The following ANK3 variants were observed in gnomAD, a reference collection of about 807,000 sequenced individuals.
The protein encoded by ANK3 is ankyrin 3.
A neutral mutation model predicts 370.9 loss-of-function variants in ANK3; 57 were observed. The ratio of observed to expected loss-of-function variants is 0.15; its 90% CI spans 0.12 to 0.19. The LOEUF (loss-of-function observed/expected upper bound fraction) is 0.19. ANK3 is among the 10% of genes least tolerant of loss of function. The pLI is 1.00. For missense variants in ANK3, 4,439 were observed against 5,302.1 expected (o/e 0.84, Z 5.06); for synonymous variants, 1,929 against 1,946.3 (o/e 0.99, Z 0.23).
chr10:60,393,244 A>C (rs1323486521), upstream of ANK3, among the ~76,000 whole-genome samples: 1 of 152,316 alleles, frequency 6.6e-6, no homozygotes, highest in African/African-American at 2.4e-5. Context: ...GCCCTCCTCC[A>C]GAAGGCAGCT....
chr10:60,087,777 T>C (rs1314419467), intron 29 of ANK3, among the ~76,000 whole-genome samples: 2 of 152,222 alleles, frequency 1.3e-5, no homozygotes, highest in Non-Finnish European at 2.9e-5. Flanking sequence ...TATGATTTAC[T>C]TCAATCAAAT....
chr10:60,278,683 A>T, intron 4 of ANK3, 91 bp downstream of exon 4: 1 of 993,850 alleles, frequency 1.0e-6, no homozygotes, highest in Non-Finnish European at 1.6e-6. Flanking sequence ...TTCTGTTCTT[A>T]GAGGATATGT....
chr10:60,036,672 G>A (rs1200727040), intron 43 of ANK3, among the ~76,000 whole-genome samples: 3 of 152,012 alleles, frequency 2.0e-5, no homozygotes, highest in East Asian at 1.9e-4. Context: ...TCCTGACTTC[G>A]TGATCTGCCT....
intron 2 of ANK3, among the ~76,000 whole-genome samples, chr10:60,444,358 C>A (rs1445536397): frequency 6.7e-6 from 1 of 148,882 alleles, no homozygotes; most frequent in Non-Finnish European, 1.5e-5. Context: ...TGAAAAAAAA[C>A]CATATATATA....
chr10:60,217,346 T>C lies in ANK3; in HGVS notation c.898-3836A>G, dbSNP rs144908559. Among the ~76,000 whole-genome samples the C allele has an allele frequency of 1.4e-3, 213 of 152,228 alleles. 1 individual carries two copies. The highest frequency in any genetic ancestry group is 4.8e-3 in the African/African-American group (199 of 41,538). ...GTCTCTCTAGCTCTTTTAATTGTGA[T>C]ATTAGGGTGTCGATCTGAGATCTTT... On this transcript the variant is annotated intron_variant, in intron 8 of 43. Coordinates refer to ENST00000280772, the MANE Select transcript of ANK3 (RefSeq NM_020987.5).
intron 1 of ANK3, chr10:60,684,528 G>T: frequency 1.3e-6 from 2 of 1,551,840 alleles, no homozygotes; most frequent in South Asian, 2.3e-5. Flanking sequence ...TATCAGACCA[G>T]ACTTCTATCC....
chr10:60,705,328 GATA>G (rs992432413), intron 1 of ANK3, among the ~76,000 whole-genome samples: 35 of 137,760 alleles, frequency 2.5e-4, no homozygotes, highest in African/African-American at 7.9e-4. Flanking sequence ...AGGTGATGAT[GATA>G]ATAATAACAA....
intron 1 of ANK3, among the ~76,000 whole-genome samples, chr10:60,629,583 AC>A (rs1291734537): frequency 2.0e-5 from 3 of 152,094 alleles, no homozygotes; most frequent in African/African-American, 7.2e-5. Flanking sequence ...ACTAATGAAA[AC>A]CCATAGCAAC....
At chr10:60,031,640 CA>C (rs1433240766) in intron 43 of ANK3, among the ~76,000 whole-genome samples, 1 of 152,170 alleles carries the variant, frequency 6.6e-6, no homozygotes, top group Non-Finnish European at 1.5e-5. Flanking sequence ...AGATCTAGGA[CA>C]ACCTTTAGAA....
At chr10:60,297,806 T>C (rs780593433) in intron 1 of ANK3, among the ~76,000 whole-genome samples, 12 of 152,128 alleles carry the variant, frequency 7.9e-5, no homozygotes, top group Non-Finnish European at 1.8e-4. Context: ...ATTTACTACA[T>C]AACTAAAAGT....
intron 1 of ANK3, among the ~76,000 whole-genome samples, chr10:60,301,289 T>C (rs10761474): frequency 0.12 from 18,118 of 148,150 alleles, 1,424 homozygotes; most frequent in Admixed American, 0.22. Context: ...CGCACACATA[T>C]ACACACACAT....
intron 1 of ANK3, among the ~76,000 whole-genome samples, chr10:60,714,059 A>G (rs976373349): frequency 5.9e-5 from 9 of 152,228 alleles, no homozygotes; most frequent in Non-Finnish European, 1.3e-4. Flanking sequence ...AAGAGGGGCC[A>G]CCATTATTGA....
chr10:60,385,513 A>T (rs1243665547), intron 1 of ANK3, among the ~76,000 whole-genome samples: 3 of 152,052 alleles, frequency 2.0e-5, no homozygotes, highest in Non-Finnish European at 4.4e-5. Context: ...TGTCTCCAAC[A>T]TTTGATGCAA....
At position 60,128,074 on chromosome 10, in the gene ANK3, T is replaced by C. The variant is rs960501364; in HGVS notation, c.2841+6197A>G. 2.6e-5 allele frequency among the ~76,000 whole-genome samples: 4 copies of C among 152,190 alleles called. No individual in the cohort carries two copies. The East Asian group carries it at 5.8e-4, about 22-fold the overall frequency. Reference sequence around the variant, plus strand: ...CACATTGAATAAATAAAAGACTTTATTAGGATTAGAAATAAACGTTAACAA... The same window carrying C: ...CACATTGAATAAATAAAAGACTTTACTAGGATTAGAAATAAACGTTAACAA... On this transcript the variant is annotated intron_variant, in intron 25 of 43. Transcript: ENST00000280772.
intron 2 of ANK3, among the ~76,000 whole-genome samples, chr10:60,426,693 C>T (rs746073986): frequency 6.6e-6 from 1 of 152,094 alleles, no homozygotes; most frequent in Non-Finnish European, 1.5e-5. Flanking sequence ...ATTATTATTT[C>T]AGCTGAAAGG....
chr10:60,123,154 A>G (rs1230271569), intron 25 of ANK3, among the ~76,000 whole-genome samples: 1 of 152,232 alleles, frequency 6.6e-6, no homozygotes, highest in Non-Finnish European at 1.5e-5. Flanking sequence ...TGGCTTTAAT[A>G]GAACACTATG....
At chr10:60,141,513 C>T (rs1435774130) in intron 23 of ANK3, among the ~76,000 whole-genome samples, 3 of 149,460 alleles carry the variant, frequency 2.0e-5, no homozygotes, top group African/African-American at 5.0e-5. Flanking sequence ...ACTAGCAGGA[C>T]TTCCCCATCT....
intron 2 of ANK3, among the ~76,000 whole-genome samples, chr10:60,524,616 T>C (rs576735393): frequency 6.6e-6 from 1 of 152,258 alleles, no homozygotes; most frequent in East Asian, 1.9e-4. Context: ...CTCAGCCATG[T>C]GGAACTGTAA....
At chr10:60,622,314 G>A (rs1445453383) in intron 1 of ANK3, among the ~76,000 whole-genome samples, 1 of 151,520 alleles carries the variant, frequency 6.6e-6, no homozygotes, top group African/African-American at 2.4e-5. Flanking sequence ...GCATGATCTC[G>A]GCTCACTGCA....
Sources: gnomAD v4.1 joint callset for allele counts (sites outside exome capture counted in the v4.1 genomes callset) on GRCh38, gnomAD v4.1.1 for gene constraint, MANE v1.5 for transcripts, NCBI Gene and HGNC (gene_info 2026-07-23, HGNC 2026-07-21) for gene names.